The following SHISA5 variants were observed in gnomAD, a reference collection of about 807,000 sequenced individuals.
SHISA5 encodes shisa family member 5.
SHISA5 carries 21 observed loss-of-function variants against 27.5 expected under a neutral mutation model. The observed-to-expected ratio is 0.76, with a 90% CI of 0.54 to 1.10. The LOEUF (loss-of-function observed/expected upper bound fraction) is 1.10. Ranked by LOEUF, SHISA5 falls within the 50% of genes least tolerant of loss-of-function variation. The pLI, the probability that SHISA5 is intolerant of heterozygous loss-of-function variation, is 0.00. For missense variants in SHISA5, 314 were observed against 336.3 expected, an observed-to-expected ratio of 0.93 and a Z score of 0.52; for synonymous variants, 137 against 142.2, an observed-to-expected ratio of 0.96 and a Z score of 0.26.
At chr3:48,477,835 C>T (rs1392331605) in intron 3 of SHISA5, among the ~76,000 whole-genome samples, 2 of 152,224 alleles carry the variant, frequency 1.3e-5, no homozygotes, top group East Asian at 3.8e-4. Flanking sequence ...CCATCCTCAC[C>T]TCTTGCCACC....
At chr3:48,494,484 G>A (rs1210203384) in intron 2 of SHISA5, among the ~76,000 whole-genome samples, 1 of 146,640 alleles carries the variant, frequency 6.8e-6, no homozygotes. Flanking sequence ...TAGTAGAAAC[G>A]TGGTTTCACC....
chr3:48,490,418 T>A (rs974410862), intron 2 of SHISA5, among the ~76,000 whole-genome samples: 2 of 152,180 alleles, frequency 1.3e-5, no homozygotes, highest in Non-Finnish European at 2.9e-5. Flanking sequence ...AGCAGAGCCA[T>A]GGGGGTGCAG....
At chr3:48,475,628 C>T (rs886116104) in intron 3 of SHISA5, among the ~76,000 whole-genome samples, 1 of 152,184 alleles carries the variant, frequency 6.6e-6, no homozygotes, top group Non-Finnish European at 1.5e-5. Flanking sequence ...GCCTAATGGG[C>T]CTCTCTCCCT....
chr3:48,489,078 C>A (rs900952913), intron 2 of SHISA5, among the ~76,000 whole-genome samples: 1 of 152,014 alleles, frequency 6.6e-6, no homozygotes, highest in African/African-American at 2.4e-5. Flanking sequence ...TAAGATCCTA[C>A]AGGACTGGGC....
chr3:48,501,348 A>T, intron 1 of SHISA5, 55 bp from the exon 2 acceptor site: 6 of 1,581,448 alleles, frequency 3.8e-6, no homozygotes, highest in Non-Finnish European at 4.3e-6. Flanking sequence ...GCCCCAGCAG[A>T]CACAGCGCCC....
intron 3 of SHISA5, among the ~76,000 whole-genome samples, chr3:48,478,407 G>A (rs1490127100): frequency 6.6e-6 from 1 of 152,130 alleles, no homozygotes; most frequent in African/African-American, 2.4e-5. Flanking sequence ...CTCCAAAGGG[G>A]AAACCCTGCC....
At chr3:48,479,451 A>C (rs1317220631) in intron 2 of SHISA5, 194 bp from the exon 3 acceptor site, 3 of 601,372 alleles carry the variant, frequency 5.0e-6, no homozygotes, top group Non-Finnish European at 8.9e-6. Flanking sequence ...TGTCCACCAG[A>C]CTGTCTCCAG....
chr3:48,480,818 G>A (rs2040983585), intron 2 of SHISA5, among the ~76,000 whole-genome samples: 1 of 152,160 alleles, frequency 6.6e-6, no homozygotes, highest in Non-Finnish European at 1.5e-5. Context: ...ATATGGGCCA[G>A]GGGAAGTGAC....
rs879704096 is a variant in SHISA5, at chr3:48,470,942, A to G, written c.315-1099T>C. On this transcript the variant is annotated intron_variant, in intron 3 of 5. Transcript: ENST00000296444. This position sits in a 1 kb window ranked among gnomAD's most constrained non-coding sequence, Gnocchi z 4.3. ...ACTCTGTCTCAAAAATGAAAGAAAA[A>G]AAAAAAAACCTGACTTCCAAATGCA... 6.6e-6 allele frequency among the ~76,000 whole-genome samples: 1 copy of G among 152,114 alleles called. No homozygotes were observed. Among genetic ancestry groups the G allele is most frequent in the Admixed American group, 6.5e-5 (1 of 15,280 alleles).
At chr3:48,503,266 G>A in intron 1 of SHISA5, 1 of 986,674 alleles carries the variant, frequency 1.0e-6, no homozygotes, top group Admixed American at 2.3e-5. Flanking sequence ...AGACCTCACT[G>A]AATCAGTGAC....
intron 2 of SHISA5, among the ~76,000 whole-genome samples, chr3:48,483,018 G>A (rs937156396): frequency 1.3e-5 from 2 of 151,898 alleles, no homozygotes; most frequent in Non-Finnish European, 2.9e-5. Flanking sequence ...ATGACCTCCC[G>A]GGCTCAAGTG....
chr3:48,503,977 C>T, intron 1 of SHISA5, 42 bp downstream of exon 1: 2 of 1,451,612 alleles, frequency 1.4e-6, no homozygotes, highest in South Asian at 1.3e-5. Context: ...AAGTGTCTGC[C>T]CGGTCCCAGG....
At chr3:48,492,246 G>A (rs368758853) in intron 2 of SHISA5, among the ~76,000 whole-genome samples, 14 of 150,862 alleles carry the variant, frequency 9.3e-5, no homozygotes, top group African/African-American at 2.2e-4. Flanking sequence ...CGAGGCGGGC[G>A]GATCACGAGG....
At position 48,469,728 on chromosome 3, in the gene SHISA5, G is replaced by C. The variant is rs199966002; in HGVS notation, c.430C>G (p.Pro144Ala). 6.2e-7 allele frequency: 1 copy of C among 1,614,016 alleles called. No homozygotes were observed. Among genetic ancestry groups the C allele is most frequent in the Admixed American group, 1.7e-5 (1 of 59,984 alleles). ...CLYKTCRRPR[P>A]VVTTTTSTTV... ...AGTGGGGCAGGGTGGGCACGCTTACGACGTGGTCGGCGGCACGTCTTGTAA... is the reference window on the plus strand; with the variant it reads ...AGTGGGGCAGGGTGGGCACGCTTACCACGTGGTCGGCGGCACGTCTTGTAA... Residue 144 changes from proline to alanine, a missense_variant and splice_region_variant, in exon 4 of 6, where the codon CCG becomes GCG. Transcript: ENST00000296444. The surrounding 1 kb of genome is among the most constrained non-coding windows in gnomAD (Gnocchi z 4.6).
At chr3:48,472,027 A>G (rs2040646821) in intron 3 of SHISA5, among the ~76,000 whole-genome samples, 1 of 150,812 alleles carries the variant, frequency 6.6e-6, no homozygotes, top group Non-Finnish European at 1.5e-5. Flanking sequence ...TACTAAAAAT[A>G]CAAAAATTAG....
intron 2 of SHISA5, among the ~76,000 whole-genome samples, chr3:48,486,597 A>G (rs1303456623): frequency 7.6e-6 from 1 of 132,402 alleles, no homozygotes; most frequent in Non-Finnish European, 1.5e-5. Flanking sequence ...ATATATATAG[A>G]TTATATATAT....
rs546256753 is a variant in SHISA5 at position 48,473,601 on chromosome 3, G to A, written c.315-3758C>T. 4.5e-4 allele frequency: 551 copies of A among 1,224,766 alleles called. No homozygotes were observed. Among genetic ancestry groups the A allele is most frequent in the Admixed American group, 1.8e-3 (66 of 35,848 alleles). The allele number at this position is 1,224,766 out of a possible 1,614,324, so 75.9% of individuals were successfully genotyped here. A position where few individuals can be genotyped will look rare whatever the true frequency, so the allele number is the denominator to read the frequency against. ...CCAATCTGTCTCCCCATGTTCTCCC[G>A]GCCACCCTACTGGGGCCACCATGCA... On this transcript the variant is annotated intron_variant, in intron 3 of 5. Transcript: ENST00000296444. This position sits in a 1 kb window ranked among gnomAD's most constrained non-coding sequence, Gnocchi z 4.3.
intron 1 of SHISA5, 58 bp downstream of exon 1, chr3:48,503,961 G>A (rs1289709509): frequency 1.4e-6 from 2 of 1,438,158 alleles, no homozygotes; most frequent in Non-Finnish European, 9.2e-7. Flanking sequence ...GAGAGGCAGC[G>A]CGGGGAAGTG....
intron 3 of SHISA5, chr3:48,476,903 C>T (rs546480810): frequency 2.8e-6 from 1 of 355,808 alleles, no homozygotes; most frequent in Admixed American, 3.8e-5. Flanking sequence ...AGGCCCAGTG[C>T]TATGCACACC....
Sources: gnomAD v4.1 joint callset for allele counts (sites outside exome capture counted in the v4.1 genomes callset) on GRCh38, gnomAD v4.1.1 for gene constraint, Gnocchi (gnomAD v3.1) non-coding constraint, MANE v1.5 for transcripts, NCBI Gene and HGNC (gene_info 2026-07-23, HGNC 2026-07-21) for gene names.